Variants in TOX2 observed in about 807,000 individuals in gnomAD.
TOX2 encodes the protein granulosa cell HMG box 1.
TOX2 carries 15 observed loss-of-function variants against 47.4 expected under a neutral mutation model. That is an observed-to-expected ratio of 0.32 (90% CI 0.21 to 0.49). The LOEUF (loss-of-function observed/expected upper bound fraction) is 0.49. TOX2 is among the 20% of genes least tolerant of loss of function. The pLI is 0.99. For synonymous variants in TOX2, 290 were observed against 296.6 expected (o/e 0.98, Z 0.23); for missense variants, 622 against 673.1 (o/e 0.92, Z 0.84).
At chr20:43,933,786 C>A (rs936802533) in intron 1 of TOX2, among the ~76,000 whole-genome samples, 2 of 152,110 alleles carry the variant, frequency 1.3e-5, no homozygotes, top group African/African-American at 4.8e-5. Flanking sequence ...CCAGAGGGAG[C>A]AGCTGTGGGC....
intron 2 of TOX2, among the ~76,000 whole-genome samples, chr20:43,987,947 G>A (rs1373459591): frequency 8.5e-6 from 1 of 117,894 alleles, no homozygotes; most frequent in Non-Finnish European, 1.6e-5. Flanking sequence ...TGGAGACAGT[G>A]TCTCACTCTG....
intron 4 of TOX2, among the ~76,000 whole-genome samples, chr20:44,052,681 T>A (rs1368155022): frequency 6.6e-6 from 1 of 152,174 alleles, no homozygotes; most frequent in Non-Finnish European, 1.5e-5. Context: ...AAAAGTCCTA[T>A]AGGGCAGGGA....
intron 1 of TOX2, among the ~76,000 whole-genome samples, chr20:43,940,817 G>A (rs1200125397): frequency 3.3e-5 from 5 of 152,324 alleles, no homozygotes; most frequent in South Asian, 2.1e-4. Flanking sequence ...CCTTAGAAGC[G>A]CAAAGCGGCT....
chr20:43,945,192 A>G (rs2069448997), intron 1 of TOX2, among the ~76,000 whole-genome samples: 1 of 152,182 alleles, frequency 6.6e-6, no homozygotes, highest in African/African-American at 2.4e-5. Flanking sequence ...CACTGAAAAT[A>G]TCTCCTCCTC....
intron 2 of TOX2, among the ~76,000 whole-genome samples, chr20:43,984,796 G>A (rs1246622689): frequency 1.3e-5 from 2 of 152,160 alleles, no homozygotes; most frequent in Non-Finnish European, 2.9e-5. Flanking sequence ...CTCTAAATGG[G>A]ATGGAAACAA....
intron 1 of TOX2, among the ~76,000 whole-genome samples, chr20:43,954,973 A>ATACAGAGGGACAGCCT (rs1217555184): frequency 6.6e-6 from 1 of 152,152 alleles, no homozygotes; most frequent in African/African-American, 2.4e-5. Context: ...AAACTGCCTT[A>ATACAGAGGGACAGCCT]TCTACAATCC....
At chr20:44,025,052 G>A (rs530595121) in intron 3 of TOX2, among the ~76,000 whole-genome samples, 1 of 152,254 alleles carries the variant, frequency 6.6e-6, no homozygotes, top group South Asian at 2.1e-4. Flanking sequence ...GTTTCATCAT[G>A]TACTTAACCT....
intron 6 of TOX2, among the ~76,000 whole-genome samples, chr20:44,065,259 A>C (rs540259576): frequency 1.3e-5 from 2 of 152,316 alleles, no homozygotes; most frequent in African/African-American, 4.8e-5. Context: ...CAACACCAGC[A>C]ACGTAGGAAG....
intron 3 of TOX2, among the ~76,000 whole-genome samples, chr20:44,046,831 C>A (rs575946063): frequency 1.4e-3 from 215 of 152,284 alleles, no homozygotes; most frequent in African/African-American, 4.8e-3. Flanking sequence ...TTTGGTGACA[C>A]AATAGTCTGT....
At chr20:44,052,608 C>T (rs1049803909) in intron 4 of TOX2, among the ~76,000 whole-genome samples, 5 of 152,184 alleles carry the variant, frequency 3.3e-5, no homozygotes, top group African/African-American at 1.2e-4. Context: ...ATTTAACAAA[C>T]ACTCTCTATG....
chr20:43,926,845 C>T (rs532740374), intron 1 of TOX2, among the ~76,000 whole-genome samples: 5 of 152,234 alleles, frequency 3.3e-5, no homozygotes, highest in African/African-American at 4.8e-5. Context: ...CAGCAAGGCA[C>T]GTGAGCTGTT....
At chr20:43,947,808 C>A (rs929044019) in intron 1 of TOX2, among the ~76,000 whole-genome samples, 1 of 152,186 alleles carries the variant, frequency 6.6e-6, no homozygotes, top group African/African-American at 2.4e-5. Context: ...AGCCAGTAAG[C>A]CAGCATTCAG....
intron 1 of TOX2, among the ~76,000 whole-genome samples, chr20:43,937,197 G>A (rs993773021): frequency 2.2e-4 from 33 of 152,262 alleles, no homozygotes; most frequent in African/African-American, 7.9e-4. Flanking sequence ...GAGCACGCGC[G>A]AAGGTCCTGT....
At chr20:44,059,052 A>G (rs2071671912) in intron 5 of TOX2, among the ~76,000 whole-genome samples, 1 of 152,262 alleles carries the variant, frequency 6.6e-6, no homozygotes, top group African/African-American at 2.4e-5. Context: ...CCAGAAAAAG[A>G]ATTCAGAAGG....
At chr20:44,014,549 C>A (rs909526678) in intron 3 of TOX2, among the ~76,000 whole-genome samples, 2 of 152,032 alleles carry the variant, frequency 1.3e-5, no homozygotes, top group African/African-American at 4.8e-5. Context: ...AAGTTCAAAC[C>A]CCAGCTCCCC....
intron 3 of TOX2, among the ~76,000 whole-genome samples, chr20:44,018,693 G>A (rs2070925675): frequency 6.6e-6 from 1 of 152,170 alleles, no homozygotes; most frequent in Admixed American, 6.5e-5. Context: ...CTTTATAAAA[G>A]GCAGCAAGAC....
intron 3 of TOX2, among the ~76,000 whole-genome samples, chr20:44,025,120 T>A (rs1268692530): frequency 6.6e-6 from 1 of 152,140 alleles, no homozygotes; most frequent in African/African-American, 2.4e-5. Context: ...TCTCTTGGGA[T>A]GGGTTCTTTG....
intron 4 of TOX2, among the ~76,000 whole-genome samples, chr20:44,053,499 GACATATATATACTATATATAC>G (rs1277804265): frequency 7.1e-6 from 1 of 140,340 alleles, no homozygotes; most frequent in South Asian, 2.2e-4. Flanking sequence ...TATATATACA[GACATATATATACTATATATAC>G]ACATATATAT....
chr20:44,046,130 T>C (rs896799851), intron 3 of TOX2, among the ~76,000 whole-genome samples: 27 of 152,244 alleles, frequency 1.8e-4, no homozygotes, highest in African/African-American at 6.5e-4. Flanking sequence ...ACACACTGTT[T>C]ACACTTAAAA....
Sources: allele counts gnomAD v4.1 joint callset (sites outside exome capture counted in the v4.1 genomes callset), GRCh38; gene constraint gnomAD v4.1.1; transcripts MANE v1.5; gene names NCBI Gene and HGNC (gene_info 2026-07-23, HGNC 2026-07-21).